Variants in INSC observed in about 807,000 individuals in gnomAD.
INSC encodes INSC spindle orientation adaptor protein, also known as protein inscuteable homolog.
A neutral mutation model predicts 58.6 loss-of-function variants in INSC; 67 were observed. That is an observed-to-expected ratio of 1.14 (90% confidence interval 0.94 to 1.40). The LOEUF (loss-of-function observed/expected upper bound fraction) is 1.40, where lower values mean the gene tolerates loss of function less well. Ranked by LOEUF, INSC falls within the 40% of genes most tolerant of loss-of-function variation. The probability of loss-of-function intolerance (pLI) is 0.00; values close to 1 mark genes in which losing one functional copy is unlikely to be tolerated. For synonymous variants in INSC, 262 were observed against 276.1 expected (o/e 0.95, Z 0.51); for missense variants, 714 against 692.0 (o/e 1.03, Z -0.36).
intron 7 of INSC, among the ~76,000 whole-genome samples, chr11:15,207,359 G>T (rs1051471713): frequency 6.6e-6 from 1 of 152,148 alleles, no homozygotes; most frequent in African/African-American, 2.4e-5. Flanking sequence ...TGGAGCCAAG[G>T]GGGTAGTTTA....
chr11:15,178,961 TA>T (rs1453292693), intron 5 of INSC, among the ~76,000 whole-genome samples: 1 of 152,208 alleles, frequency 6.6e-6, no homozygotes, highest in African/African-American at 2.4e-5. Context: ...CTGCAGGGAA[TA>T]AGCTAATTCT....
chr11:15,192,884 A>G (rs188060673), intron 6 of INSC, among the ~76,000 whole-genome samples: 6 of 152,336 alleles, frequency 3.9e-5, no homozygotes, highest in Admixed American at 3.9e-4. Flanking sequence ...CTAGATTCAT[A>G]TATATTGGAA....
Position 15,114,947 on chromosome 11 carries a change from C to T in INSC, c.-102C>T. The T allele has an allele frequency of 1.0e-6, 1 of 985,480 alleles. No homozygotes were observed. The highest frequency in any genetic ancestry group is 1.2e-6 in the Non-Finnish European group (1 of 829,946). The allele number at this position is 985,480 out of a possible 1,614,324, so 61.0% of individuals were successfully genotyped here. On this transcript the variant is annotated 5_prime_UTR_variant, in exon 1 of 13. Transcript: ENST00000379556. The stretch of plus-strand genomic sequence containing the variant: ...CACTTTGCGCGCGGCCTCTGGAGCT[C>T]CAGCTGCGCCCCGCCACCACTGGCC...
At chr11:15,221,782 CT>C (rs1219301785) in intron 8 of INSC, 134 bp downstream of exon 8, 1 of 784,998 alleles carries the variant, frequency 1.3e-6, no homozygotes, top group African/African-American at 1.8e-5. Flanking sequence ...ATCATATTTG[CT>C]GAAATCCCAC....
At chr11:15,264,313 G>A in the INSC span, among the ~76,000 whole-genome samples, 1 of 148,408 alleles carries the variant, frequency 6.7e-6, no homozygotes, top group East Asian at 2.0e-4. Context: ...CTATTCTGCT[G>A]CGGCGGCTGC....
rs1317005433 is a variant in INSC at position 15,174,178 on chromosome 11, C to T, written c.57-1563C>T. On this transcript the variant is annotated intron_variant, in intron 2 of 12. Transcript: ENST00000379556. Reference sequence around the variant, plus strand: ...CTCAGGACACTTCTGCCCCCAGAGCCTTTGCACTTGCTGATCTCTCTCCTT... The same window carrying T: ...CTCAGGACACTTCTGCCCCCAGAGCTTTTGCACTTGCTGATCTCTCTCCTT... Among the ~76,000 whole-genome samples, 5 of 152,122 alleles carry T rather than the reference C, an allele frequency of 3.3e-5. No homozygotes were observed. In the East Asian group the frequency reaches 9.6e-4, roughly 29 times the overall value.
intron 1 of INSC, among the ~76,000 whole-genome samples, chr11:15,145,286 T>G (rs1328673846): frequency 1.3e-5 from 2 of 152,228 alleles, no homozygotes; most frequent in Non-Finnish European, 2.9e-5. Context: ...CCCAAGGTTA[T>G]GTACTTATCA....
the INSC span, among the ~76,000 whole-genome samples, chr11:15,261,600 T>C: frequency 1.3e-5 from 2 of 152,204 alleles, no homozygotes; most frequent in Admixed American, 1.3e-4. Context: ...TGGTAACTAC[T>C]AAGTGGAAGA....
chr11:15,162,851 G>A (rs1849065764), intron 2 of INSC, among the ~76,000 whole-genome samples: 1 of 152,154 alleles, frequency 6.6e-6, no homozygotes, highest in South Asian at 2.1e-4. Context: ...CAGTAAGAGG[G>A]ACTGGACTTC....
intron 7 of INSC, among the ~76,000 whole-genome samples, chr11:15,220,742 C>T (rs904704157): frequency 6.6e-6 from 1 of 152,170 alleles, no homozygotes; most frequent in Non-Finnish European, 1.5e-5. Flanking sequence ...AGCACATGCT[C>T]AGCAGAAGCT....
intron 7 of INSC, among the ~76,000 whole-genome samples, chr11:15,216,956 A>G (rs991365205): frequency 2.6e-5 from 4 of 152,204 alleles, no homozygotes; most frequent in African/African-American, 9.6e-5. Flanking sequence ...GGTCCTCTGA[A>G]GTTGTTACTT....
At chr11:15,154,794 C>T (rs1848756195) in intron 2 of INSC, among the ~76,000 whole-genome samples, 1 of 135,098 alleles carries the variant, frequency 7.4e-6, no homozygotes, top group African/African-American at 2.7e-5. Context: ...GTTTTGAATG[C>T]TTTTGTCCCT....
At position 15,207,433 on chromosome 11, in the gene INSC, C is replaced by G. The variant is rs1850847736; in HGVS notation, c.819+6484C>G. Reference sequence around the variant, plus strand: ...GGGGAGGACGGCTCAATTTCAAGTCCAAGAAGAAAATCACCAAGGGCAAGA... The same window carrying G: ...GGGGAGGACGGCTCAATTTCAAGTCGAAGAAGAAAATCACCAAGGGCAAGA... On this transcript the variant is annotated intron_variant, in intron 7 of 12. Coordinates refer to ENST00000379556, the MANE Select transcript of INSC (RefSeq NM_001042536.3). Among the ~76,000 whole-genome samples the G allele has an allele frequency of 2.0e-5, 3 of 152,094 alleles. No individual in the cohort carries two copies. In the South Asian group the frequency reaches 6.2e-4, roughly 31 times the overall value.
chr11:15,235,340 G>A (rs981742222), intron 9 of INSC: 1 of 496,964 alleles, frequency 2.0e-6, no homozygotes, highest in Non-Finnish European at 3.7e-6. Flanking sequence ...GGTTATGCTA[G>A]TCTTTCCAGG....
In INSC at chr11:15,180,072, T is replaced by C. The variant is rs575973458; in HGVS notation, c.579+1625T>C. Among the ~76,000 whole-genome samples the C allele has an allele frequency of 1.1e-4, 17 of 152,174 alleles. No individual in the cohort carries two copies. The South Asian group carries it at 1.5e-3, about 13-fold the overall frequency. On this transcript the variant is annotated intron_variant, in intron 5 of 12. Coordinates refer to ENST00000379556, the MANE Select transcript of INSC (RefSeq NM_001042536.3). ...GAGATCGAAACCATCCTGGCTAACG[T>C]GGTGAAACCCCATCTGTACTGAAAA...
chr11:15,216,497 C>T (rs965394491), intron 7 of INSC, among the ~76,000 whole-genome samples: 1 of 152,090 alleles, frequency 6.6e-6, no homozygotes, highest in African/African-American at 2.4e-5. Context: ...TGTCACTGCC[C>T]AGGTCAGCAC....
intron 12 of INSC, among the ~76,000 whole-genome samples, chr11:15,243,216 G>C (rs1852425480): frequency 6.6e-6 from 1 of 152,130 alleles, no homozygotes; most frequent in South Asian, 2.1e-4. Context: ...CTCCTGGTTG[G>C]TGAGATTCAC....
At chr11:15,150,624 T>C (rs1039287971) in intron 2 of INSC, among the ~76,000 whole-genome samples, 2 of 152,162 alleles carry the variant, frequency 1.3e-5, no homozygotes, top group African/African-American at 4.8e-5. Flanking sequence ...CTGTTCTAGG[T>C]GCAGATTCCT....
chr11:15,260,919 A>G, the INSC span, among the ~76,000 whole-genome samples: 8 of 152,332 alleles, frequency 5.3e-5, no homozygotes, highest in African/African-American at 1.9e-4. Context: ...GAGTCTAAAG[A>G]TATTGGGTGC....
Sources: gnomAD v4.1 joint callset for allele counts (sites outside exome capture counted in the v4.1 genomes callset) on GRCh38, gnomAD v4.1.1 for gene constraint, MANE v1.5 for transcripts, NCBI Gene and HGNC (gene_info 2026-07-23, HGNC 2026-07-21) for gene names.